Variants in MCOLN2 observed in about 807,000 individuals in gnomAD.
The protein encoded by MCOLN2 is mucolipin TRP cation channel 2.
MCOLN2 carries 57 observed loss-of-function variants against 67.5 expected under a neutral mutation model. That is an observed-to-expected ratio of 0.84 (90% CI 0.68 to 1.05). The LOEUF is 1.05. Among genes scored for constraint, MCOLN2 ranks in the 50% least tolerant of loss-of-function variants. MCOLN2 has a pLI of 0.00. For synonymous variants in MCOLN2, 246 were observed against 233.3 expected, an observed-to-expected ratio of 1.05 and a Z score of -0.50; for missense variants, 620 against 678.8, an observed-to-expected ratio of 0.91 and a Z score of 0.96.
chr1:84,984,944 T>C (rs6691674), intron 1 of MCOLN2, among the ~76,000 whole-genome samples: 66,075 of 151,966 alleles, frequency 0.43, 15,108 homozygotes, highest in East Asian at 0.62. Flanking sequence ...TGCAGTGAGC[T>C]GTGATCACAC....
At position 84,996,925 on chromosome 1, in the gene MCOLN2, C is replaced by A; in HGVS notation, c.-53G>T. Reference sequence around the variant, plus strand: ...TCTCGGGATTCGGAACAGGAAACACCGTTCACGGCCGACTCATTTCGCCCT... The same window carrying A: ...TCTCGGGATTCGGAACAGGAAACACAGTTCACGGCCGACTCATTTCGCCCT... On this transcript the variant is annotated 5_prime_UTR_variant, in exon 1 of 14. Coordinates refer to ENST00000370608, the MANE Select transcript of MCOLN2 (RefSeq NM_153259.4). The A allele has an allele frequency of 6.7e-7, 1 of 1,489,700 alleles. No homozygotes were observed. Among genetic ancestry groups the A allele is most frequent in the Admixed American group, 1.7e-5 (1 of 58,938 alleles). The allele number at this position is 1,489,700 out of a possible 1,614,324, so 92.3% of individuals were successfully genotyped here.
Position 84,956,509 on chromosome 1 carries a change from C to T in MCOLN2, c.487G>A (p.Val163Ile), listed in dbSNP as rs142814021. Residue 163 changes from valine (V) to isoleucine (I), a missense_variant, in exon 4 of 14, where the codon GTC (valine) becomes ATC (isoleucine). Physicochemically the swap from Val to Ile is conservative, Grantham distance 29 (BLOSUM62 3). Coordinates refer to ENST00000370608, the MANE Select transcript of MCOLN2 (RefSeq NM_153259.4). ...CCTTTCTTGTAATGCTGCTTACAGA[C>T]TTTTAAGCCAATTCTATTGTCTTCA... ...ENEDNRIGLK[V>I]CKQHYKKGTM... 269 of 1,612,362 alleles carry T rather than the reference C, an allele frequency of 1.7e-4. No individual in the cohort carries two copies. The highest frequency in any genetic ancestry group is 2.1e-4 in the Non-Finnish European group (242 of 1,179,280).
intron 4 of MCOLN2, 86 bp from the exon 5 acceptor site, chr1:84,952,616 G>T: frequency 1.2e-6 from 1 of 850,358 alleles, no homozygotes; most frequent in Non-Finnish European, 2.0e-6. Context: ...CAAGAAGCAG[G>T]TTACTTACGG....
At chr1:84,943,274 A>G (rs1647897439) in intron 7 of MCOLN2, among the ~76,000 whole-genome samples, 1 of 152,154 alleles carries the variant, frequency 6.6e-6, no homozygotes, top group Non-Finnish European at 1.5e-5. Flanking sequence ...GACAACCAAG[A>G]ATGATTCCTG....
chr1:84,995,806 T>TAA (rs760666732), intron 1 of MCOLN2, among the ~76,000 whole-genome samples: 9 of 150,352 alleles, frequency 6.0e-5, no homozygotes, highest in Admixed American at 2.0e-4. Context: ...TCTATTTTTT[T>TAA]AAAAAAAAAC....
intron 4 of MCOLN2, among the ~76,000 whole-genome samples, chr1:84,954,288 G>A (rs760681465): frequency 6.6e-6 from 1 of 152,204 alleles, no homozygotes. Context: ...GTGTCTCCCT[G>A]TGTTTGGCAG....
intron 4 of MCOLN2, among the ~76,000 whole-genome samples, chr1:84,953,539 A>C (rs1648617328): frequency 7.1e-6 from 1 of 140,226 alleles, no homozygotes. Context: ...GACAAGAACG[A>C]AACTCTATCT....
intron 9 of MCOLN2, 92 bp downstream of exon 9, chr1:84,939,461 C>A: frequency 7.9e-7 from 1 of 1,267,540 alleles, no homozygotes; most frequent in Non-Finnish European, 1.1e-6. Flanking sequence ...ACACGAGAAT[C>A]AAAGTGGTCT....
chr1:84,972,288 T>G (rs1360397440), intron 1 of MCOLN2, among the ~76,000 whole-genome samples: 1 of 152,094 alleles, frequency 6.6e-6, no homozygotes, highest in African/African-American at 2.4e-5. Flanking sequence ...GCAATTGAAA[T>G]TGCATGAAAT....
intron 11 of MCOLN2, among the ~76,000 whole-genome samples, chr1:84,933,136 C>A (rs1357085377): frequency 1.3e-5 from 2 of 152,158 alleles, no homozygotes; most frequent in South Asian, 2.1e-4. Flanking sequence ...TCCAATTAAG[C>A]CAATGTTCAA....
At chr1:84,961,531 G>A (rs1043650761) in intron 2 of MCOLN2, among the ~76,000 whole-genome samples, 2 of 152,074 alleles carry the variant, frequency 1.3e-5, no homozygotes, top group Non-Finnish European at 2.9e-5. Flanking sequence ...TCTATTCATA[G>A]AACAAGCCAA....
intron 7 of MCOLN2, among the ~76,000 whole-genome samples, chr1:84,945,086 C>T (rs1648018820): frequency 6.6e-6 from 1 of 152,094 alleles, no homozygotes; most frequent in South Asian, 2.1e-4. Flanking sequence ...GAGCTTTTAC[C>T]CAGTGGTCTA....
intron 11 of MCOLN2, among the ~76,000 whole-genome samples, chr1:84,933,242 G>T (rs1647260199): frequency 6.6e-6 from 1 of 152,030 alleles, no homozygotes; most frequent in Non-Finnish European, 1.5e-5. Flanking sequence ...ATGAACTATG[G>T]TCTTCTAATT....
chr1:84,952,283 T>A lies in MCOLN2; in HGVS notation c.707A>T (p.His236Leu). 1 of 1,613,742 alleles carries A rather than the reference T, an allele frequency of 6.2e-7. No individual in the cohort carries two copies. The highest frequency in any genetic ancestry group is 8.5e-7 in the Non-Finnish European group (1 of 1,179,828). ...HLKGIDLQTIHSRELPDCYVF... is the reference protein window; with the variant it reads ...HLKGIDLQTILSRELPDCYVF... Reference sequence around the variant, plus strand: ...ATAACAGTCTGGTAACTCACGGGAATGAATTGTCTGTAGGTCAATGCCTTT... The same window carrying A: ...ATAACAGTCTGGTAACTCACGGGAAAGAATTGTCTGTAGGTCAATGCCTTT... The change falls in exon 6 of 14, where the codon CAT becomes CTT. Residue 236 changes from histidine to leucine, a missense_variant. Transcript: ENST00000370608.
At chr1:84,987,471 GATA>G (rs1650601865) in intron 1 of MCOLN2, among the ~76,000 whole-genome samples, 3 of 45,804 alleles carry the variant, frequency 6.5e-5, no homozygotes, top group African/African-American at 2.0e-4. Context: ...TGTATATATA[GATA>G]TATATACATA....
At chr1:84,935,055 C>T (rs77540600) in intron 11 of MCOLN2, among the ~76,000 whole-genome samples, 1,777 of 152,242 alleles carry the variant, frequency 0.012, 38 homozygotes, top group African/African-American at 0.041. Flanking sequence ...CAAAAATGCC[C>T]GCTTGGAATG....
intron 6 of MCOLN2, among the ~76,000 whole-genome samples, chr1:84,949,234 C>T (rs1347782083): frequency 1.3e-5 from 2 of 152,192 alleles, no homozygotes; most frequent in South Asian, 2.1e-4. Flanking sequence ...GAGATATGGA[C>T]ATCCAGATCT....
intron 1 of MCOLN2, among the ~76,000 whole-genome samples, chr1:84,969,377 C>A (rs1055138784): frequency 1.3e-5 from 2 of 152,046 alleles, no homozygotes; most frequent in Non-Finnish European, 2.9e-5. Flanking sequence ...TTGAGACCAG[C>A]CTGACCAACA....
intron 1 of MCOLN2, among the ~76,000 whole-genome samples, chr1:84,987,179 T>A (rs888423335): frequency 1.9e-4 from 4 of 21,010 alleles, no homozygotes; most frequent in African/African-American, 3.5e-4. Context: ...TATAGGCATA[T>A]CTATCTATCT....
Sources: allele counts gnomAD v4.1 joint callset (sites outside exome capture counted in the v4.1 genomes callset), GRCh38; gene constraint gnomAD v4.1.1; transcripts MANE v1.5; gene names NCBI Gene and HGNC (gene_info 2026-07-23, HGNC 2026-07-21).